Variants in ERBIN observed in about 807,000 individuals in gnomAD.
ERBIN encodes densin-180-like protein.
Under a neutral mutation model 158.4 loss-of-function variants are expected in ERBIN, and 60 were observed. The ratio of observed to expected loss-of-function variants is 0.38; its 90% CI spans 0.31 to 0.47. The LOEUF (loss-of-function observed/expected upper bound fraction) is 0.47, where lower values mean the gene tolerates loss of function less well. ERBIN is among the 20% of genes least tolerant of loss of function. ERBIN has a pLI of 0.99. For missense variants in ERBIN, 1,610 were observed against 1,648.0 expected (o/e 0.98, Z 0.40); for synonymous variants, 594 against 557.2 (o/e 1.07, Z -0.93).
In ERBIN at chr5:65,961,003, G is replaced by T. The variant is rs184985354; in HGVS notation, c.-57-27632G>T. ...ATGACTCTTTTGACAACCACTGACT[G>T]TCTTAATTCCCTAAACCTCCCTATC... On this transcript the variant is annotated intron_variant, in intron 1 of 25. Transcript: ENST00000284037. 2.6e-5 allele frequency among the ~76,000 whole-genome samples: 4 copies of T among 152,214 alleles called. No individual in the cohort carries two copies. The East Asian group carries it at 7.7e-4, about 29-fold the overall frequency.
chr5:66,078,189 T>C (rs1762190242), intron 25 of ERBIN, among the ~76,000 whole-genome samples: 1 of 152,192 alleles, frequency 6.6e-6, no homozygotes, highest in Non-Finnish European at 1.5e-5. Context: ...AAGTAAGTGA[T>C]TTCTAACATT....
chr5:66,007,585 A>T (rs1023024451), intron 4 of ERBIN, among the ~76,000 whole-genome samples: 1 of 151,860 alleles, frequency 6.6e-6, no homozygotes, highest in African/African-American at 2.4e-5. Flanking sequence ...TGTACCCAAC[A>T]TTTAACAGAT....
In ERBIN at chr5:66,044,206, A is replaced by G. The variant is rs1758189967; in HGVS notation, c.1498A>G (p.Thr500Ala). Reference protein sequence around the residue: ...ELKNMVKTVQTIVHRLKDEET... With the variant: ...ELKNMVKTVQAIVHRLKDEET... ...TAAGAATATGGTCAAAACTGTTCAAACCATTGTACATAGATTAAAAGATGA... is the reference window on the plus strand; with the variant it reads ...TAAGAATATGGTCAAAACTGTTCAAGCCATTGTACATAGATTAAAAGATGA... Residue 500 changes from threonine (T) to alanine (A), a missense_variant, in exon 17 of 26, where the codon ACC (threonine) becomes GCC (alanine). This residue lies in a region of ERBIN where 596 missense variants were observed against 711.9 expected (regional missense o/e 0.84). Coordinates refer to ENST00000284037, the MANE Select transcript of ERBIN (RefSeq NM_001253697.2). 1.3e-5 allele frequency: 21 copies of G among 1,610,428 alleles called. No individual in the cohort carries two copies. The highest frequency in any genetic ancestry group is 1.7e-5 in the Non-Finnish European group (20 of 1,178,654).
At chr5:66,009,774 T>A (rs1424768279) in intron 4 of ERBIN, among the ~76,000 whole-genome samples, 2 of 152,206 alleles carry the variant, frequency 1.3e-5, no homozygotes, top group Non-Finnish European at 2.9e-5. Context: ...ATCTCCCACA[T>A]TCCTATTTTA....
intron 1 of ERBIN, among the ~76,000 whole-genome samples, chr5:65,928,164 G>T (rs920641961): frequency 6.6e-6 from 1 of 151,812 alleles, no homozygotes; most frequent in Admixed American, 6.6e-5. Flanking sequence ...GCTTCATTAA[G>T]TACATCTCCA....
intron 4 of ERBIN, among the ~76,000 whole-genome samples, chr5:66,000,653 G>A (rs762345487): frequency 4.6e-5 from 7 of 152,114 alleles, no homozygotes; most frequent in Non-Finnish European, 8.8e-5. Context: ...AAATTGGTCT[G>A]TTCTTGTTAT....
chr5:66,043,058 G>GT lies in ERBIN; in HGVS notation c.1307-13dup. ...TTACAGTAAAATATAGTAGGTTTTT[G>GT]TTTTTTACTTTTCTCTAGTTATGTT... On this transcript the variant is annotated intron_variant, in intron 15 of 25. Transcript: ENST00000284037. 6.5e-7 allele frequency: 1 copy of GT among 1,547,752 alleles called. No homozygotes were observed. The highest frequency in any genetic ancestry group is 2.3e-5 in the East Asian group (1 of 44,366).
At chr5:66,063,575 G>A (rs976142692) in intron 21 of ERBIN, among the ~76,000 whole-genome samples, 8 of 152,142 alleles carry the variant, frequency 5.3e-5, no homozygotes, top group Non-Finnish European at 7.3e-5. Flanking sequence ...ACTCCCCAGT[G>A]AGATGAACCC....
At chr5:65,966,087 A>G (rs1748583760) in intron 1 of ERBIN, among the ~76,000 whole-genome samples, 1 of 146,180 alleles carries the variant, frequency 6.8e-6, no homozygotes, top group African/African-American at 2.5e-5. Flanking sequence ...GTCATGTGCC[A>G]CATAATGACA....
intron 21 of ERBIN, among the ~76,000 whole-genome samples, chr5:66,058,786 A>G (rs912112085): frequency 6.6e-6 from 1 of 151,404 alleles, no homozygotes; most frequent in East Asian, 1.9e-4. Flanking sequence ...CATTTATTAA[A>G]TAGGGAATCC....
intron 23 of ERBIN, 42 bp from the exon 24 acceptor site, chr5:66,076,274 T>C: frequency 6.6e-7 from 1 of 1,512,578 alleles, no homozygotes; most frequent in Non-Finnish European, 9.1e-7. Context: ...ATTATAACTT[T>C]TTCTGAAATA....
chr5:66,077,228 G>C (rs538839878), intron 25 of ERBIN, among the ~76,000 whole-genome samples: 10 of 152,088 alleles, frequency 6.6e-5, no homozygotes, highest in African/African-American at 2.4e-4. Context: ...ACTAATTTGA[G>C]GGGGATTAGA....
At chr5:66,026,085 T>C (rs922698511) in intron 12 of ERBIN, 108 bp downstream of exon 12, 2 of 1,019,620 alleles carry the variant, frequency 2.0e-6, no homozygotes, top group African/African-American at 3.4e-5. Flanking sequence ...AAAATAGTTT[T>C]CAAGTTATTT....
intron 1 of ERBIN, among the ~76,000 whole-genome samples, chr5:65,979,735 TATG>T (rs1269282577): frequency 1.3e-5 from 2 of 152,252 alleles, no homozygotes; most frequent in Admixed American, 1.3e-4. Flanking sequence ...ATAGCAGTTC[TATG>T]ATAAGAAATA....
At chr5:66,019,207 T>C (rs1384472364) in intron 7 of ERBIN, among the ~76,000 whole-genome samples, 1 of 152,156 alleles carries the variant, frequency 6.6e-6, no homozygotes, top group Non-Finnish European at 1.5e-5. Context: ...TCCTAATGGT[T>C]TTTGCTTGAT....
At chr5:65,974,193 AGT>A (rs1749597953) in intron 1 of ERBIN, among the ~76,000 whole-genome samples, 1 of 152,000 alleles carries the variant, frequency 6.6e-6, no homozygotes, top group Non-Finnish European at 1.5e-5. Context: ...TATGTATATA[AGT>A]GTTTTCTCAA....
chr5:66,006,602 A>G (rs1753627386), intron 4 of ERBIN, among the ~76,000 whole-genome samples: 3 of 152,212 alleles, frequency 2.0e-5, no homozygotes, highest in Admixed American at 6.5e-5. Flanking sequence ...CAGAGTGAAC[A>G]GGCAACCTAC....
chr5:66,056,454 T>G (rs1045047597), intron 21 of ERBIN, among the ~76,000 whole-genome samples: 6 of 152,084 alleles, frequency 3.9e-5, no homozygotes, highest in Non-Finnish European at 7.4e-5. Flanking sequence ...TATGGCTGTT[T>G]TCCTACTCCT....
Position 66,023,319 on chromosome 5 carries a change from G to A in ERBIN, c.627G>A (p.Leu209=). The change falls in exon 9 of 26, where the codon TTG becomes TTA. Residue 209 remains leucine (L), a synonymous_variant. Coordinates refer to ENST00000284037, the MANE Select transcript of ERBIN (RefSeq NM_001253697.2). ...AAGTACTTGAGCAACTAAGTGGATT[G>A]AAAGAGTTTTGGATGGATGCTAATA... ...VPEVLEQLSG[L]KEFWMDANRL... is the part of the protein sequence containing the mutation. 6.2e-7 allele frequency: 1 copy of A among 1,613,210 alleles called. No homozygotes were observed.
Sources: allele counts gnomAD v4.1 joint callset (sites outside exome capture counted in the v4.1 genomes callset), GRCh38; gene constraint gnomAD v4.1.1; regional missense constraint gnomAD v4.1.1; transcripts MANE v1.5; gene names NCBI Gene and HGNC (gene_info 2026-07-23, HGNC 2026-07-21).